PRICKLE1: variants seen among roughly 807,000 people sequenced by gnomAD.
PRICKLE1 encodes prickle-like protein 1.
A neutral mutation model predicts 70.2 loss-of-function variants in PRICKLE1; 14 were observed. The observed-to-expected ratio is 0.20, with a 90% CI of 0.13 to 0.31. The LOEUF is 0.31. PRICKLE1 is among the 10% of genes least tolerant of loss of function. PRICKLE1 has a pLI of 1.00. For synonymous variants in PRICKLE1, 357 were observed against 379.9 expected, an observed-to-expected ratio of 0.94 and a Z score of 0.70; for missense variants, 821 against 1,026.2, an observed-to-expected ratio of 0.80 and a Z score of 2.73.
chr12:42,468,933 AT>A, intron 4 of PRICKLE1, 104 bp from the exon 5 acceptor site: 2 of 1,180,054 alleles, frequency 1.7e-6, no homozygotes, highest in African/African-American at 1.5e-5. Flanking sequence ...GAATGTATTT[AT>A]TTTTGCTACC....
At chr12:42,562,054 G>A (rs907994270) in intron 1 of PRICKLE1, among the ~76,000 whole-genome samples, 1 of 151,904 alleles carries the variant, frequency 6.6e-6, no homozygotes, top group African/African-American at 2.4e-5. Flanking sequence ...TGGGATTAGA[G>A]GCACGTGCCA....
At chr12:42,525,357 G>T (rs116650992) in intron 1 of PRICKLE1, among the ~76,000 whole-genome samples, 1 of 152,074 alleles carries the variant, frequency 6.6e-6, no homozygotes, top group Admixed American at 6.6e-5. Flanking sequence ...TGAGTTCTGC[G>T]AGCCAGTACT....
intron 1 of PRICKLE1, among the ~76,000 whole-genome samples, chr12:42,534,343 C>T (rs892946902): frequency 2.0e-5 from 3 of 151,984 alleles, no homozygotes; most frequent in African/African-American, 7.3e-5. Flanking sequence ...GATGGGGACT[C>T]GGGTGAATTC....
At chr12:42,465,923 C>G in intron 6 of PRICKLE1, 1 of 524,400 alleles carries the variant, frequency 1.9e-6, no homozygotes, top group Non-Finnish European at 3.4e-6. Context: ...TCACAGGAAC[C>G]TAACCCTGTA....
At position 42,459,643 on chromosome 12, in the gene PRICKLE1, C is replaced by T. The variant is rs1254545366; in HGVS notation, c.*166G>A. 6 of 845,942 alleles carry T rather than the reference C, an allele frequency of 7.1e-6. No homozygotes were observed. The highest frequency in any genetic ancestry group is 4.8e-5 in the East Asian group (2 of 41,282). The allele number at this position is 845,942 out of a possible 1,614,324, so 52.4% of individuals were successfully genotyped here. A position where few individuals can be genotyped will look rare whatever the true frequency, so the allele number is the denominator to read the frequency against. On this transcript the variant is annotated 3_prime_UTR_variant, in exon 8 of 8. Coordinates refer to ENST00000345127, the MANE Select transcript of PRICKLE1 (RefSeq NM_153026.3). ...CAAAGAGGGTAAATTGGAGAAATCA[C>T]ACCTTTCAAATGTTAATCTGACACT...
intron 1 of PRICKLE1, among the ~76,000 whole-genome samples, chr12:42,557,202 T>G (rs1940427178): frequency 6.6e-6 from 1 of 152,158 alleles, no homozygotes; most frequent in Non-Finnish European, 1.5e-5. Context: ...TGCACCTAGC[T>G]AAAATAATGG....
intron 1 of PRICKLE1, among the ~76,000 whole-genome samples, chr12:42,549,185 A>G (rs997775408): frequency 1.3e-5 from 2 of 151,952 alleles, no homozygotes; most frequent in African/African-American, 4.8e-5. Context: ...AGCTAGGAAA[A>G]AAACCATTAG....
chr12:42,465,109 C>G lies in PRICKLE1; in HGVS notation c.925G>C (p.Gly309Arg). 1 of 1,568,032 alleles carries G rather than the reference C, an allele frequency of 6.4e-7. No individual in the cohort carries two copies. The highest frequency in any genetic ancestry group is 8.6e-7 in the Non-Finnish European group (1 of 1,161,586). ...QIYCSKTCSL[G>R]EDVHASDSSD... ...GAATCAGAGGCATGGACGTCTTCACCAAGACTGCACGTTTTTGAGCAGTAA... is the reference window on the plus strand; with the variant it reads ...GAATCAGAGGCATGGACGTCTTCACGAAGACTGCACGTTTTTGAGCAGTAA... The change falls in exon 7 of 8, where the codon GGT becomes CGT. Residue 309 changes from glycine (G) to arginine (R), a missense_variant. Transcript: ENST00000345127.
At chr12:42,579,542 T>C (rs761482597) in intron 1 of PRICKLE1, among the ~76,000 whole-genome samples, 1 of 151,938 alleles carries the variant, frequency 6.6e-6, no homozygotes, top group Non-Finnish European at 1.5e-5. Flanking sequence ...TTAAAGAGAG[T>C]TTTCCAGTTA....
intron 1 of PRICKLE1, among the ~76,000 whole-genome samples, chr12:42,513,073 C>A (rs914057806): frequency 6.6e-6 from 1 of 152,152 alleles, no homozygotes; most frequent in Admixed American, 6.5e-5. Context: ...TCAAGCAATT[C>A]TCTTGCCTCA....
intron 1 of PRICKLE1, among the ~76,000 whole-genome samples, chr12:42,478,979 C>T (rs796241421): frequency 1.1e-4 from 16 of 152,314 alleles, no homozygotes; most frequent in African/African-American, 3.8e-4. Context: ...ATGCTCTCAG[C>T]ATTCAGTAAA....
At chr12:42,475,007 C>G (rs773469145) in intron 1 of PRICKLE1, among the ~76,000 whole-genome samples, 2 of 152,208 alleles carry the variant, frequency 1.3e-5, no homozygotes, top group Non-Finnish European at 2.9e-5. Context: ...CAGCTGTACT[C>G]CCTGATTAGC....
intron 1 of PRICKLE1, among the ~76,000 whole-genome samples, chr12:42,520,343 A>G (rs1259863567): frequency 6.6e-6 from 1 of 152,210 alleles, no homozygotes; most frequent in Admixed American, 6.5e-5. Flanking sequence ...GCAAATGAGA[A>G]TAATATTAAC....
intron 1 of PRICKLE1, among the ~76,000 whole-genome samples, chr12:42,515,734 C>T (rs1225426700): frequency 6.6e-6 from 1 of 152,196 alleles, no homozygotes. Flanking sequence ...TATCCTCTGG[C>T]TTCCAGTATT....
chr12:42,564,460 T>G (rs542342983), intron 1 of PRICKLE1, among the ~76,000 whole-genome samples: 1 of 151,532 alleles, frequency 6.6e-6, no homozygotes, highest in East Asian at 1.9e-4. Flanking sequence ...TACAAAAAAT[T>G]GGTCAGGCGT....
At chr12:42,541,474 A>G (rs928555911) in intron 1 of PRICKLE1, among the ~76,000 whole-genome samples, 2 of 151,774 alleles carry the variant, frequency 1.3e-5, no homozygotes, top group African/African-American at 4.8e-5. Flanking sequence ...CCAAGTAGTC[A>G]GGACAGGTGC....
At chr12:42,548,086 A>G (rs913556941) in intron 1 of PRICKLE1, among the ~76,000 whole-genome samples, 2 of 152,032 alleles carry the variant, frequency 1.3e-5, no homozygotes, top group Non-Finnish European at 2.9e-5. Context: ...TGGTCTCACT[A>G]TGTTGCTCAC....
intron 1 of PRICKLE1, among the ~76,000 whole-genome samples, chr12:42,530,151 C>T (rs1168255438): frequency 6.6e-6 from 1 of 152,010 alleles, no homozygotes; most frequent in Non-Finnish European, 1.5e-5. Flanking sequence ...ACCATGTTGG[C>T]CAGGTTGGTC....
intron 1 of PRICKLE1, among the ~76,000 whole-genome samples, chr12:42,560,748 C>T (rs1940497008): frequency 6.7e-6 from 1 of 149,238 alleles, no homozygotes; most frequent in South Asian, 2.1e-4. Flanking sequence ...TTAAGCTTGG[C>T]AGGTCAAAAG....
Sources: gnomAD v4.1 joint callset for allele counts (sites outside exome capture counted in the v4.1 genomes callset) on GRCh38, gnomAD v4.1.1 for gene constraint, MANE v1.5 for transcripts, NCBI Gene and HGNC (gene_info 2026-07-23, HGNC 2026-07-21) for gene names.